NFRKB: variants seen among roughly 807,000 people sequenced by gnomAD.
The protein encoded by NFRKB is nuclear factor related to kappa-B-binding protein.
Under a neutral mutation model 135.7 loss-of-function variants are expected in NFRKB, and 62 were observed. The ratio of observed to expected loss-of-function variants is 0.46; its 90% CI spans 0.37 to 0.56. The LOEUF is 0.56. Among genes scored for constraint, NFRKB ranks in the 20% least tolerant of loss-of-function variants. The pLI, the probability that NFRKB is intolerant of heterozygous loss-of-function variation, is 0.00. For missense variants in NFRKB, 1,545 were observed against 1,662.0 expected (o/e 0.93, Z 1.22); for synonymous variants, 678 against 635.6 (o/e 1.07, Z -1.00).
At position 129,866,387 on chromosome 11, in the gene NFRKB, T is replaced by G. The variant is rs568478375; in HGVS notation, c.3532-404A>C. Among the ~76,000 whole-genome samples the G allele has an allele frequency of 1.9e-3, 290 of 152,104 alleles. 1 individual carries two copies. The highest frequency in any genetic ancestry group is 6.2e-3 in the African/African-American group (258 of 41,482). On this transcript the variant is annotated intron_variant, in intron 24 of 26. Coordinates refer to ENST00000682444, the MANE Select transcript of NFRKB (RefSeq NM_001143835.2). The stretch of plus-strand genomic sequence containing the variant: ...ACAGTGCTGGGCACACAATCACTAT[T>G]TGGTGAAATAAATTTGAGGAAGGAC...
In NFRKB at chr11:129,892,675, C is replaced by G. The variant is rs367824717; in HGVS notation, c.135+40G>C. ...GTTTCCCACAGCTGTTACAAGGAAGCTGACAGAGAGGAAAAGGTCACAACC... is the reference window on the plus strand; with the variant it reads ...GTTTCCCACAGCTGTTACAAGGAAGGTGACAGAGAGGAAAAGGTCACAACC... On this transcript the variant is annotated intron_variant, in intron 3 of 26. Coordinates refer to ENST00000682444, the MANE Select transcript of NFRKB (RefSeq NM_001143835.2). 2.5e-6 allele frequency: 4 copies of G among 1,602,468 alleles called. No individual in the cohort carries two copies. In the African/African-American group the frequency reaches 5.4e-5, roughly 21 times the overall value.
chr11:129,884,794 C>A lies in NFRKB; in HGVS notation c.693G>T (p.Val231=). 1 of 1,614,196 alleles carries A rather than the reference C, an allele frequency of 6.2e-7. No individual in the cohort carries two copies. The highest frequency in any genetic ancestry group is 8.5e-7 in the Non-Finnish European group (1 of 1,180,038). Residue 231 remains valine (V), a synonymous_variant, in exon 7 of 27, where the codon GTG becomes GTT. Coordinates refer to ENST00000682444, the MANE Select transcript of NFRKB (RefSeq NM_001143835.2). ...SSPARSPSPA[V]PLRVVPTLST... ...AAAGTGTGGGCACCACCCGCAGGGG[C>A]ACCGCAGGACTAGGAGAACGTGCTG...
At chr11:129,882,982 C>T in intron 9 of NFRKB, 140 bp downstream of exon 9, 1 of 700,594 alleles carries the variant, frequency 1.4e-6, no homozygotes, top group Non-Finnish European at 2.4e-6. Context: ...TCATTTCCCA[C>T]CTGTTAGCCT....
At chr11:129,866,276 G>C (rs527371725) in intron 24 of NFRKB, among the ~76,000 whole-genome samples, 1 of 152,118 alleles carries the variant, frequency 6.6e-6, no homozygotes, top group South Asian at 2.1e-4. Flanking sequence ...AATCACAAAG[G>C]CAGGTGTGTC....
intron 16 of NFRKB, 109 bp downstream of exon 16, chr11:129,877,216 G>A (rs1345062258): frequency 8.9e-7 from 1 of 1,124,644 alleles, no homozygotes; most frequent in Non-Finnish European, 1.3e-6. Flanking sequence ...GGTCTAAGGG[G>A]AAAGGTATGA....
chr11:129,865,770 G>A, intron 25 of NFRKB, 107 bp downstream of exon 25: 1 of 867,192 alleles, frequency 1.2e-6, no homozygotes, highest in Middle Eastern at 2.9e-4. Flanking sequence ...TGTCAAAGAA[G>A]GGCCCCAGAA....
rs1485868360 is a variant in NFRKB, at chr11:129,881,787, C to A, written c.1258G>T (p.Ala420Ser). 7 of 1,613,944 alleles carry A rather than the reference C, an allele frequency of 4.3e-6. No homozygotes were observed. The highest frequency in any genetic ancestry group is 2.2e-5 in the East Asian group (1 of 44,878). The change falls in exon 12 of 27, where the codon GCC (alanine) becomes TCC (serine). Residue 420 changes from alanine to serine, a missense_variant. Transcript: ENST00000682444. ...ASSLNSWFSAAPNWAELVLPA... is the reference protein window; with the variant it reads ...ASSLNSWFSASPNWAELVLPA... ...AGTACCAACTCAGCCCAGTTGGGGG[C>A]CGCAGAGAACCAGCTGTTGAGGGAG...
At chr11:129,881,098 A>C (rs1949004508) in intron 13 of NFRKB, among the ~76,000 whole-genome samples, 1 of 152,252 alleles carries the variant, frequency 6.6e-6, no homozygotes. Flanking sequence ...TTTTTAGGAA[A>C]GAAAAAATTT....
Position 129,881,433 on chromosome 11 carries a change from G to A in NFRKB, c.1384+10C>T, listed in dbSNP as rs1452232101. 1 of 1,613,602 alleles carries A rather than the reference G, an allele frequency of 6.2e-7. No homozygotes were observed. The highest frequency in any genetic ancestry group is 2.2e-5 in the East Asian group (1 of 44,880). ...AAAACCTGTTGGGGTAGGTAATACGGATCACTTACCAAGCAACTTCCACTG... is the reference window on the plus strand; with the variant it reads ...AAAACCTGTTGGGGTAGGTAATACGAATCACTTACCAAGCAACTTCCACTG... On this transcript the variant is annotated intron_variant, in intron 13 of 26. Coordinates refer to ENST00000682444, the MANE Select transcript of NFRKB (RefSeq NM_001143835.2).
rs372815706 is a variant in NFRKB at position 129,874,766 on chromosome 11, C to T, written c.1978+27G>A. The T allele has an allele frequency of 2.1e-5, 34 of 1,614,080 alleles. No homozygotes were observed. In the South Asian group the frequency reaches 2.6e-4, roughly 13 times the overall value. On this transcript the variant is annotated intron_variant, in intron 19 of 26. Transcript: ENST00000682444. This position sits in a 1 kb window ranked among gnomAD's most constrained non-coding sequence, Gnocchi z 4.5. ...AGTCAGAACGTATCCCCAGTCTGGTCGGACAGTGCCCAGAGGCCTCACACA... is the reference window on the plus strand; with the variant it reads ...AGTCAGAACGTATCCCCAGTCTGGTTGGACAGTGCCCAGAGGCCTCACACA...
chr11:129,878,088 C>T (rs1948855356), intron 15 of NFRKB, among the ~76,000 whole-genome samples: 1 of 152,134 alleles, frequency 6.6e-6, no homozygotes, highest in South Asian at 2.1e-4. Context: ...GTCATATGCC[C>T]CTTAGAGGCT....
intron 3 of NFRKB, among the ~76,000 whole-genome samples, chr11:129,890,223 C>G (rs567942345): frequency 4.6e-4 from 70 of 152,148 alleles, no homozygotes; most frequent in Admixed American, 2.1e-3. Context: ...TCCAACCACC[C>G]ACTCCAGGCA....
rs1226574832 is a variant in NFRKB, at chr11:129,869,659, T to C, written c.3366A>G (p.Gly1122=). 7 of 1,614,070 alleles carry C rather than the reference T, an allele frequency of 4.3e-6. No homozygotes were observed. In the African/African-American group the frequency reaches 9.3e-5, roughly 22 times the overall value. ...KQGASVASGS[G]TVHTSAVSLP... is the part of the protein sequence containing the mutation. ...AGGACACCGCTGAAGTATGGACAGTTCCAGACCCACTGGCCACCGAGGCCC... is the reference window on the plus strand; with the variant it reads ...AGGACACCGCTGAAGTATGGACAGTCCCAGACCCACTGGCCACCGAGGCCC... Residue 1122 remains glycine, a synonymous_variant, in exon 24 of 27, where the codon GGA becomes GGG. Coordinates refer to ENST00000682444, the MANE Select transcript of NFRKB (RefSeq NM_001143835.2).
intron 3 of NFRKB, among the ~76,000 whole-genome samples, chr11:129,889,703 T>G: frequency 9.4e-6 from 1 of 106,730 alleles, no homozygotes. Flanking sequence ...TGTCAGAGAA[T>G]GCTCACCAAA....
rs1948169928 is a variant in NFRKB at position 129,865,943 on chromosome 11, A to G, written c.3572T>C (p.Ile1191Thr). The G allele has an allele frequency of 6.2e-7, 1 of 1,613,670 alleles. No individual in the cohort carries two copies. Among genetic ancestry groups the G allele is most frequent in the African/African-American group, 1.3e-5 (1 of 74,902 alleles). The stretch of plus-strand genomic sequence containing the variant: ...GCTCTTGCCCTTCATTGGCTGGCTG[A>G]TCACAGAGAGGGGAACTGTGATCCG... ...PTRITVPLSV[I>T]SQPMKGKSVV... The change falls in exon 25 of 27, where the codon ATC becomes ACC. Residue 1191 changes from isoleucine to threonine, a missense_variant. This residue lies in a region of NFRKB where 753 missense variants were observed against 804.3 expected (regional missense o/e 0.94). Coordinates refer to ENST00000682444, the MANE Select transcript of NFRKB (RefSeq NM_001143835.2).
rs757348475 is a variant in NFRKB at position 129,884,088 on chromosome 11, C to T, written c.798G>A (p.Glu266=). ...DLKIMLKKHH[E]KRKHQPDHPD... ...ATCTTACTGGCTGATGTTTCCGCTT[C>T]TCGTGGTGCTTCTTTAACATTATCT... Residue 266 remains glutamate (E), a synonymous_variant, in exon 8 of 27, where the codon GAG becomes GAA. Coordinates refer to ENST00000682444, the MANE Select transcript of NFRKB (RefSeq NM_001143835.2). The T allele has an allele frequency of 2.5e-6, 4 of 1,614,110 alleles. No homozygotes were observed. Among genetic ancestry groups the T allele is most frequent in the Non-Finnish European group, 2.5e-6 (3 of 1,180,048 alleles).
intron 3 of NFRKB, among the ~76,000 whole-genome samples, chr11:129,889,444 C>T (rs1233585565): frequency 6.6e-6 from 1 of 151,990 alleles, no homozygotes. Flanking sequence ...TCCGCCTCAA[C>T]TGAGTGGCAG....
At chr11:129,888,559 C>T in intron 4 of NFRKB, 35 bp downstream of exon 4, 2 of 1,591,576 alleles carry the variant, frequency 1.3e-6, no homozygotes, top group Non-Finnish European at 1.7e-6. Context: ...GCCCATCCAC[C>T]ACCCCCCTCA....
chr11:129,882,062 C>A, intron 11 of NFRKB, 24 bp downstream of exon 11: 1 of 1,575,120 alleles, frequency 6.3e-7, no homozygotes. Context: ...TCTAATGTAC[C>A]TCCAACTTTT....
Sources: allele counts gnomAD v4.1 joint callset (sites outside exome capture counted in the v4.1 genomes callset), GRCh38; gene constraint gnomAD v4.1.1; regional missense constraint gnomAD v4.1.1; non-coding constraint Gnocchi (gnomAD v3.1); transcripts MANE v1.5; gene names NCBI Gene and HGNC (gene_info 2026-07-23, HGNC 2026-07-21).